Variants in IL16 observed in about 807,000 individuals in gnomAD.
IL16 encodes pro-interleukin-16.
In IL16, 67 loss-of-function variants were observed where a neutral mutation model predicts 110.1. That is an observed-to-expected ratio of 0.61 (90% confidence interval 0.50 to 0.75). IL16 has a LOEUF of 0.75. Ranked by LOEUF, IL16 falls within the 30% of genes least tolerant of loss-of-function variation. The pLI is 0.00. For missense variants in IL16, 1,545 were observed against 1,655.0 expected (o/e 0.93, Z 1.15); for synonymous variants, 689 against 662.9 (o/e 1.04, Z -0.61).
At chr15:81,244,792 C>T (rs1595987186) in intron 2 of IL16, among the ~76,000 whole-genome samples, 1 of 152,146 alleles carries the variant, frequency 6.6e-6, no homozygotes, top group Non-Finnish European at 1.5e-5. Context: ...CCTTCCACAA[C>T]CCTATGACAC....
Position 81,265,765 on chromosome 15 carries a change from C to T in IL16, c.528C>T (p.Leu176=), listed in dbSNP as rs746602067. The change falls in exon 4 of 19, where the codon CTC becomes CTT. Residue 176 remains leucine, a synonymous_variant. Transcript: ENST00000683961. ...CTCTCTGCAGTAACAGGAAGTCCCT[C>T]TCTCAACAATTGGACTGTCCAGCAG... is the stretch of plus-strand genomic sequence containing the variant. ...PYSLCSNRKS[L]SQQLDCPAGK... 6.2e-7 allele frequency: 1 copy of T among 1,613,724 alleles called. No homozygotes were observed. The highest frequency in any genetic ancestry group is 1.1e-5 in the South Asian group (1 of 90,968).
chr15:81,206,210 T>A (rs1896012505), intron 1 of IL16, among the ~76,000 whole-genome samples: 1 of 151,582 alleles, frequency 6.6e-6, no homozygotes, highest in South Asian at 2.1e-4. Flanking sequence ...TTCATCGTCG[T>A]ACAAACGTTA....
At chr15:81,185,552 C>T (rs1241928641) in intron 1 of IL16, among the ~76,000 whole-genome samples, 1 of 151,904 alleles carries the variant, frequency 6.6e-6, no homozygotes, top group Non-Finnish European at 1.5e-5. Context: ...ATGGAGTCTT[C>T]CTATGTTGCT....
At chr15:81,188,634 C>T (rs751107141) in intron 1 of IL16, among the ~76,000 whole-genome samples, 8 of 152,130 alleles carry the variant, frequency 5.3e-5, no homozygotes, top group Non-Finnish European at 4.4e-5. Context: ...CACGTGCATA[C>T]GTATGCCTGT....
At chr15:81,282,247 A>T (rs1397949082) in intron 8 of IL16, among the ~76,000 whole-genome samples, 1 of 151,966 alleles carries the variant, frequency 6.6e-6, no homozygotes, top group East Asian at 1.9e-4. Context: ...CTTCACCCCT[A>T]ACTCTTGTCA....
intron 2 of IL16, among the ~76,000 whole-genome samples, chr15:81,258,727 C>T (rs191737134): frequency 0.011 from 1,546 of 141,766 alleles, 18 homozygotes; most frequent in African/African-American, 0.041. Context: ...CACTCGCGCA[C>T]GCGCTCTCTC....
chr15:81,283,358 C>A (rs4468565), intron 9 of IL16, among the ~76,000 whole-genome samples: 27,183 of 150,660 alleles, frequency 0.18, 2,601 homozygotes, highest in Middle Eastern at 0.24. Context: ...AAAAAAAAAA[C>A]CCCAAAAACC....
chr15:81,306,333 G>T, intron 17 of IL16, 87 bp from the exon 18 acceptor site: 8 of 1,571,004 alleles, frequency 5.1e-6, no homozygotes, highest in Non-Finnish European at 5.2e-6. Context: ...CACGGGGGCT[G>T]TATCACCCCG....
chr15:81,313,649 C>T lies in IL16; in HGVS notation c.*4851C>T. On this transcript the variant is annotated 3_prime_UTR_variant, in exon 19 of 19. Transcript: ENST00000683961. ...CTCCAGGGAGGAAGAAGTCCCTACT[C>T]CCAGCCCAAAAACCCAGTACCCTGC... The T allele has an allele frequency of 3.2e-6, 1 of 314,922 alleles. No individual in the cohort carries two copies. The highest frequency in any genetic ancestry group is 5.8e-6 in the Non-Finnish European group (1 of 173,288). 19.5% of individuals were successfully genotyped at this position (314,922 alleles called of 1,614,324 possible).
intron 2 of IL16, among the ~76,000 whole-genome samples, chr15:81,231,744 A>G (rs1896996017): frequency 6.6e-6 from 1 of 152,180 alleles, no homozygotes; most frequent in South Asian, 2.1e-4. Flanking sequence ...TCACAATTGG[A>G]TCTTTAATTC....
At chr15:81,191,271 CT>C (rs1895493620) in intron 1 of IL16, among the ~76,000 whole-genome samples, 1 of 152,204 alleles carries the variant, frequency 6.6e-6, no homozygotes, top group South Asian at 2.1e-4. Flanking sequence ...GTTTCCTAAT[CT>C]GTGGCTTCTA....
chr15:81,217,359 A>C (rs954305193), intron 1 of IL16, among the ~76,000 whole-genome samples: 1 of 152,260 alleles, frequency 6.6e-6, no homozygotes, highest in Non-Finnish European at 1.5e-5. Context: ...CAAAATTAAC[A>C]GAGGAAATTT....
At chr15:81,243,164 T>TATATATACATATATATATATATATATATA (rs60077602) in intron 2 of IL16, among the ~76,000 whole-genome samples, 2 of 15,770 alleles carry the variant, frequency 1.3e-4, no homozygotes, top group Non-Finnish European at 1.1e-4. Context: ...TATATATATA[T>TATATATACATATATATATATATATATATA]TTTTTTTTTT....
At chr15:81,193,023 G>A (rs1895522259), upstream of IL16, among the ~76,000 whole-genome samples, 1 of 152,210 alleles carries the variant, frequency 6.6e-6, no homozygotes, top group Non-Finnish European at 1.5e-5. Flanking sequence ...CTTGTGAGGT[G>A]GATGTTAGTG....
intron 4 of IL16, among the ~76,000 whole-genome samples, chr15:81,266,754 A>T (rs1898400378): frequency 6.6e-6 from 1 of 152,152 alleles, no homozygotes; most frequent in Admixed American, 6.5e-5. Flanking sequence ...CCAAATGCCC[A>T]TCAGGAAGCA....
intron 2 of IL16, among the ~76,000 whole-genome samples, chr15:81,233,980 T>C (rs1897100746): frequency 6.6e-6 from 1 of 152,250 alleles, no homozygotes; most frequent in Non-Finnish European, 1.5e-5. Flanking sequence ...TAGACCTTTA[T>C]AACTTTTTAT....
chr15:81,193,456 C>A (rs970054108), upstream of IL16, among the ~76,000 whole-genome samples: 1 of 151,934 alleles, frequency 6.6e-6, no homozygotes, highest in African/African-American at 2.4e-5. Flanking sequence ...TTGGCATGTG[C>A]GTGGTATATT....
intron 1 of IL16, among the ~76,000 whole-genome samples, chr15:81,212,100 A>G (rs1488140893): frequency 6.6e-6 from 1 of 151,676 alleles, no homozygotes; most frequent in Non-Finnish European, 1.5e-5. Context: ...CATCTGGCAG[A>G]ATTTGGCTGT....
chr15:81,232,042 G>GTTTTTTTTTTTTTGTT (rs1897010406), intron 2 of IL16, among the ~76,000 whole-genome samples: 1 of 57,694 alleles, frequency 1.7e-5, no homozygotes, highest in Non-Finnish European at 3.3e-5. Context: ...ATTTGTTCTT[G>GTTTTTTTTTTTTTGTT]TTTTTTTTTT....
Sources: gnomAD v4.1 joint callset for allele counts (sites outside exome capture counted in the v4.1 genomes callset) on GRCh38, gnomAD v4.1.1 for gene constraint, MANE v1.5 for transcripts, NCBI Gene and HGNC (gene_info 2026-07-23, HGNC 2026-07-21) for gene names.